Variants in ITPR2 observed in about 807,000 individuals in gnomAD.
ITPR2 encodes inositol 1,4,5-trisphosphate receptor type 2.
ITPR2 carries 207 observed loss-of-function variants against 317.1 expected under a neutral mutation model. The observed-to-expected ratio is 0.65, with a 90% CI of 0.58 to 0.73. ITPR2 has a LOEUF of 0.73. Among genes scored for constraint, ITPR2 ranks in the 30% least tolerant of loss-of-function variants. ITPR2 has a pLI of 0.00. For synonymous variants in ITPR2, 1,156 were observed against 1,149.1 expected, an observed-to-expected ratio of 1.01 and a Z score of -0.12; for missense variants, 2,613 against 3,284.0, an observed-to-expected ratio of 0.80 and a Z score of 4.99.
intron 5 of ITPR2, among the ~76,000 whole-genome samples, chr12:26,719,474 T>C (rs1230338757): frequency 6.6e-6 from 1 of 152,194 alleles, no homozygotes; most frequent in African/African-American, 2.4e-5. Context: ...GAGATTTCGC[T>C]GAAAATAAAG....
At chr12:26,368,808 C>CTTTGTT (rs1939096151) in intron 55 of ITPR2, among the ~76,000 whole-genome samples, 1 of 152,116 alleles carries the variant, frequency 6.6e-6, no homozygotes, top group Non-Finnish European at 1.5e-5. Flanking sequence ...ATGAAAAAAA[C>CTTTGTT]AAAGTTGTTG....
intron 37 of ITPR2, among the ~76,000 whole-genome samples, chr12:26,536,004 C>T (rs1313164015): frequency 2.6e-5 from 4 of 152,214 alleles, no homozygotes; most frequent in Non-Finnish European, 5.9e-5. Flanking sequence ...TGAGAAGCAG[C>T]ATACTTTCGT....
In ITPR2 at chr12:26,335,695, G is replaced by A. The variant is rs182087092; in HGVS notation, c.*3702C>T. 5.9e-5 allele frequency: 9 copies of A among 152,274 alleles called. No homozygotes were observed. The highest frequency in any genetic ancestry group is 1.9e-4 in the African/African-American group (8 of 41,538). The allele number at this position is 152,274 out of a possible 1,614,324, so 9.4% of individuals were successfully genotyped here. On this transcript the variant is annotated 3_prime_UTR_variant, in exon 57 of 57. Coordinates refer to ENST00000381340, the MANE Select transcript of ITPR2 (RefSeq NM_002223.4). Reference sequence around the variant, plus strand: ...AGTGAGTGACTAGAGGGCCTCTACTGGCCTCAGGCATTTTCTAAAAACCGG... The same window carrying A: ...AGTGAGTGACTAGAGGGCCTCTACTAGCCTCAGGCATTTTCTAAAAACCGG...
chr12:26,663,893 T>C (rs767962385), intron 14 of ITPR2, 47 bp from the exon 15 acceptor site: 1 of 1,499,260 alleles, frequency 6.7e-7, no homozygotes, highest in Admixed American at 2.3e-5. Flanking sequence ...TAAAATGTTT[T>C]GCAACCTTTT....
intron 1 of ITPR2, among the ~76,000 whole-genome samples, chr12:26,829,693 C>T (rs554025872): frequency 2.0e-5 from 3 of 152,260 alleles, no homozygotes; most frequent in East Asian, 3.9e-4. Flanking sequence ...GGCCAGGAAA[C>T]TGCACCAGGG....
At chr12:26,788,635 C>T (rs767686170) in intron 2 of ITPR2, among the ~76,000 whole-genome samples, 4 of 152,150 alleles carry the variant, frequency 2.6e-5, no homozygotes, top group Non-Finnish European at 5.9e-5. Flanking sequence ...ACCCACATTC[C>T]TCCACATATG....
intron 45 of ITPR2, among the ~76,000 whole-genome samples, chr12:26,468,457 A>T (rs572342528): frequency 6.6e-6 from 1 of 151,948 alleles, no homozygotes; most frequent in African/African-American, 2.4e-5. Flanking sequence ...TACATAGTGG[A>T]TGTATTATCT....
chr12:26,510,344 T>A (rs1365646854), intron 37 of ITPR2, among the ~76,000 whole-genome samples: 1 of 152,184 alleles, frequency 6.6e-6, no homozygotes, highest in African/African-American at 2.4e-5. Flanking sequence ...AGAAAAGCCA[T>A]AGTGGTATTT....
At chr12:26,379,787 A>C (rs1191534788) in intron 55 of ITPR2, among the ~76,000 whole-genome samples, 1 of 152,234 alleles carries the variant, frequency 6.6e-6, no homozygotes, top group Non-Finnish European at 1.5e-5. Flanking sequence ...CAATGGGTAC[A>C]TTGAAGTACA....
chr12:26,340,287 G>A lies in ITPR2; in HGVS notation c.7899C>T (p.Ser2633=), dbSNP rs778938539. The A allele has an allele frequency of 1.9e-6, 3 of 1,608,200 alleles. No individual in the cohort carries two copies. Among genetic ancestry groups the A allele is most frequent in the Non-Finnish European group, 2.5e-6 (3 of 1,177,432 alleles). Residue 2633 remains serine (S), a synonymous_variant, in exon 56 of 57, where the codon TCC becomes TCT. Coordinates refer to ENST00000381340, the MANE Select transcript of ITPR2 (RefSeq NM_002223.4). The part of the protein sequence containing the change: ...LDWFPRMRAM[S]LVSNEGDSEQ... ...CACTGTCGCCTTCATTGCTAACGAGGGACATGGCTCGCATCCGAGGAAACC... is the reference window on the plus strand; with the variant it reads ...CACTGTCGCCTTCATTGCTAACGAGAGACATGGCTCGCATCCGAGGAAACC...
intron 21 of ITPR2, among the ~76,000 whole-genome samples, chr12:26,645,833 C>T (rs975757804): frequency 6.6e-6 from 1 of 152,180 alleles, no homozygotes; most frequent in African/African-American, 2.4e-5. Flanking sequence ...CTAGCTTGTA[C>T]GTATGTGTTC....
intron 45 of ITPR2, among the ~76,000 whole-genome samples, chr12:26,466,116 T>G (rs1942164779): frequency 6.6e-6 from 1 of 152,230 alleles, no homozygotes. Flanking sequence ...ATATAATATC[T>G]ATTTTCATAA....
At chr12:26,756,446 CT>C (rs1056174340) in intron 2 of ITPR2, among the ~76,000 whole-genome samples, 1 of 152,212 alleles carries the variant, frequency 6.6e-6, no homozygotes, top group African/African-American at 2.4e-5. Context: ...AGCCTTCTTA[CT>C]TGGTTTTCTT....
chr12:26,664,943 T>C (rs887769091), intron 14 of ITPR2, among the ~76,000 whole-genome samples: 15 of 152,168 alleles, frequency 9.9e-5, no homozygotes, highest in African/African-American at 3.6e-4. Context: ...AATAAGAATA[T>C]GTGTATCAAG....
chr12:26,669,955 C>T (rs1947718245), intron 13 of ITPR2, among the ~76,000 whole-genome samples: 1 of 152,242 alleles, frequency 6.6e-6, no homozygotes. Flanking sequence ...GCTAACGCAG[C>T]AGTCTGAGAT....
chr12:26,614,839 G>C (rs751153149), intron 26 of ITPR2, among the ~76,000 whole-genome samples: 23 of 152,164 alleles, frequency 1.5e-4, no homozygotes, highest in Admixed American at 7.9e-4. Context: ...AGAATTTTTA[G>C]GGCAATGAAG....
chr12:26,756,959 T>C (rs1949533785), intron 2 of ITPR2, among the ~76,000 whole-genome samples: 1 of 152,142 alleles, frequency 6.6e-6, no homozygotes, highest in Non-Finnish European at 1.5e-5. Flanking sequence ...ATAAAACAAG[T>C]TGTAATAAAG....
intron 51 of ITPR2, among the ~76,000 whole-genome samples, chr12:26,414,046 TATGTACACAC>T (rs1357080802): frequency 1.0e-4 from 6 of 59,410 alleles, no homozygotes; most frequent in African/African-American, 2.9e-4. Flanking sequence ...TACATGTATA[TATGTACACAC>T]ACACACACAC....
At chr12:26,614,506 A>G (rs1946334336) in intron 26 of ITPR2, among the ~76,000 whole-genome samples, 1 of 152,238 alleles carries the variant, frequency 6.6e-6, no homozygotes, top group Non-Finnish European at 1.5e-5. Flanking sequence ...ACGAGCTCAA[A>G]ACCTGCACCC....
Sources: gnomAD v4.1 joint callset for allele counts (sites outside exome capture counted in the v4.1 genomes callset) on GRCh38, gnomAD v4.1.1 for gene constraint, MANE v1.5 for transcripts, NCBI Gene and HGNC (gene_info 2026-07-23, HGNC 2026-07-21) for gene names.